The following NLGN1 variants were observed in gnomAD, a reference collection of about 807,000 sequenced individuals.
NLGN1 encodes the protein neuroligin 1, also known as neuroligin-1.
A neutral mutation model predicts 65.5 loss-of-function variants in NLGN1; 12 were observed. The observed-to-expected ratio is 0.18, with a 90% CI of 0.12 to 0.30. The LOEUF (loss-of-function observed/expected upper bound fraction) is 0.30. Among genes scored for constraint, NLGN1 ranks in the 10% least tolerant of loss-of-function variants. The pLI is 1.00. For synonymous variants in NLGN1, 350 were observed against 359.5 expected (o/e 0.97, Z 0.30); for missense variants, 750 against 1,007.1 (o/e 0.74, Z 3.46).
chr3:174,174,757 T>G lies in NLGN1; in HGVS notation c.647-100558T>G, dbSNP rs544856373. Among the ~76,000 whole-genome samples, 10 of 152,126 alleles carry G rather than the reference T, an allele frequency of 6.6e-5. No homozygotes were observed. The East Asian group carries it at 1.9e-3, about 29-fold the overall frequency. ...CATCATCAGGTTATTTAAAGTTTTC[T>G]CTTTTTTTAATATATAAGCACTTAT... On this transcript the variant is annotated intron_variant, in intron 4 of 6. Coordinates refer to ENST00000457714, the Ensembl canonical transcript of NLGN1.
intron 3 of NLGN1, among the ~76,000 whole-genome samples, chr3:173,772,383 T>C (rs1162859616): frequency 6.6e-6 from 1 of 152,196 alleles, no homozygotes; most frequent in East Asian, 1.9e-4. Flanking sequence ...TTCGGGAGGC[T>C]GAGGCAGGAG....
chr3:173,558,377 T>C (rs1742075635), intron 2 of NLGN1, among the ~76,000 whole-genome samples: 2 of 152,148 alleles, frequency 1.3e-5, no homozygotes, highest in Admixed American at 6.5e-5. Flanking sequence ...TTGGAAAACA[T>C]CTGGTCACTA....
intron 3 of NLGN1, among the ~76,000 whole-genome samples, chr3:173,633,421 G>A (rs1211286017): frequency 6.6e-6 from 1 of 152,104 alleles, no homozygotes; most frequent in Non-Finnish European, 1.5e-5. Context: ...CACCTGTTGT[G>A]TGTTCTTAGC....
chr3:174,240,393 G>C (rs1742568827), intron 4 of NLGN1, among the ~76,000 whole-genome samples: 1 of 152,086 alleles, frequency 6.6e-6, no homozygotes, highest in Non-Finnish European at 1.5e-5. Flanking sequence ...GAATTTTCTT[G>C]AGTTGAAAAA....
intron 4 of NLGN1, among the ~76,000 whole-genome samples, chr3:174,189,665 TC>T (rs1345159483): frequency 6.6e-6 from 1 of 151,988 alleles, no homozygotes; most frequent in African/African-American, 2.4e-5. Flanking sequence ...ACACTAATAG[TC>T]TAGTATTATG....
intron 2 of NLGN1, among the ~76,000 whole-genome samples, chr3:173,456,241 A>G (rs1722497786): frequency 6.6e-6 from 1 of 152,174 alleles, no homozygotes; most frequent in South Asian, 2.1e-4. Context: ...GATAAGCTCT[A>G]AGAAGAGAGT....
intron 4 of NLGN1, among the ~76,000 whole-genome samples, chr3:174,156,896 C>A (rs1725547163): frequency 6.6e-6 from 1 of 151,248 alleles, no homozygotes; most frequent in African/African-American, 2.4e-5. Flanking sequence ...ATATAAATAT[C>A]CCACTATCAT....
chr3:173,636,369 A>G (rs767748153), intron 3 of NLGN1, among the ~76,000 whole-genome samples: 1 of 152,106 alleles, frequency 6.6e-6, no homozygotes, highest in African/African-American at 2.4e-5. Context: ...AGGTGGTTCT[A>G]TTCCTTCAAG....
intron 4 of NLGN1, among the ~76,000 whole-genome samples, chr3:174,222,747 T>G (rs1405004913): frequency 6.6e-6 from 1 of 152,268 alleles, no homozygotes; most frequent in East Asian, 1.9e-4. Context: ...AAGACACATG[T>G]AAATGTAATC....
chr3:173,417,565 G>A (rs1157690114), intron 1 of NLGN1, among the ~76,000 whole-genome samples: 2 of 151,824 alleles, frequency 1.3e-5, no homozygotes, highest in East Asian at 3.8e-4. Context: ...TAGAAAATAT[G>A]TATCAGACAC....
chr3:173,805,034 AAAATT>A (rs1476749659), intron 3 of NLGN1, among the ~76,000 whole-genome samples: 2 of 152,178 alleles, frequency 1.3e-5, no homozygotes, highest in African/African-American at 2.4e-5. Flanking sequence ...CTCAAAAATA[AAAATT>A]AAATTAAAAT....
At chr3:173,738,637 T>C in intron 3 of NLGN1, among the ~76,000 whole-genome samples, 1 of 152,142 alleles carries the variant, frequency 6.6e-6, no homozygotes, top group East Asian at 1.9e-4. Flanking sequence ...CAATCATGAT[T>C]ACTGTAACTT....
chr3:174,200,955 G>C (rs944554273), intron 4 of NLGN1, among the ~76,000 whole-genome samples: 1 of 152,144 alleles, frequency 6.6e-6, no homozygotes, highest in African/African-American at 2.4e-5. Context: ...ATTGAGCCCT[G>C]TCAGGGCATG....
intron 4 of NLGN1, among the ~76,000 whole-genome samples, chr3:174,219,219 T>C (rs1738192270): frequency 6.6e-6 from 1 of 152,054 alleles, no homozygotes; most frequent in South Asian, 2.1e-4. Context: ...ATGGAAGATA[T>C]TGCTAAAAGG....
intron 4 of NLGN1, among the ~76,000 whole-genome samples, chr3:173,880,573 A>C (rs1733029874): frequency 6.6e-6 from 1 of 150,966 alleles, no homozygotes; most frequent in African/African-American, 2.4e-5. Flanking sequence ...AGTATGTTTA[A>C]AAATATATAT....
In NLGN1 at chr3:173,891,416, C is replaced by T. The variant is rs552478461; in HGVS notation, c.646+83584C>T. 6.6e-5 allele frequency among the ~76,000 whole-genome samples: 10 copies of T among 152,288 alleles called. No homozygotes were observed. In the South Asian group the frequency reaches 1.2e-3, roughly 19 times the overall value. On this transcript the variant is annotated intron_variant, in intron 4 of 6. Coordinates refer to ENST00000457714, the Ensembl canonical transcript of NLGN1. ...AAAATCATTTTAGATATTTAGGCAG[C>T]AAAAGCCTCTTCACAGTACTGCATT... is the stretch of plus-strand genomic sequence containing the variant.
intron 4 of NLGN1, among the ~76,000 whole-genome samples, chr3:173,914,643 C>T (rs1370112019): frequency 1.3e-5 from 2 of 152,016 alleles, no homozygotes; most frequent in East Asian, 3.9e-4. Flanking sequence ...TGTGTGGTGG[C>T]AGGGGATGGG....
chr3:174,011,039 C>T (rs1356774068), intron 4 of NLGN1, among the ~76,000 whole-genome samples: 1 of 152,102 alleles, frequency 6.6e-6, no homozygotes, highest in Admixed American at 6.6e-5. Context: ...CCATTAAATA[C>T]AATTTACGTA....
At chr3:173,790,275 G>A (rs1040743553) in intron 3 of NLGN1, among the ~76,000 whole-genome samples, 1 of 152,030 alleles carries the variant, frequency 6.6e-6, no homozygotes, top group Non-Finnish European at 1.5e-5. Context: ...CCCTAAAGTA[G>A]TTGCACAGAA....
Sources: allele counts gnomAD v4.1 joint callset (sites outside exome capture counted in the v4.1 genomes callset), GRCh38; gene constraint gnomAD v4.1.1; transcripts MANE v1.5; gene names NCBI Gene and HGNC (gene_info 2026-07-23, HGNC 2026-07-21).